Variants in CPLX2 observed in about 807,000 individuals in gnomAD.
CPLX2 encodes the protein complexin-2.
CPLX2 carries 5 observed loss-of-function variants against 16.3 expected under a neutral mutation model. The observed-to-expected ratio is 0.31, with a 90% CI of 0.16 to 0.64. The LOEUF (loss-of-function observed/expected upper bound fraction) is 0.64, where lower values mean the gene tolerates loss of function less well. Ranked by LOEUF, CPLX2 falls within the 30% of genes least tolerant of loss-of-function variation. CPLX2 has a pLI of 0.79. For synonymous variants in CPLX2, 89 were observed against 73.2 expected (o/e 1.22, Z -1.10); for missense variants, 144 against 181.4 (o/e 0.79, Z 1.18).
At position 175,830,433 on chromosome 5, in the gene CPLX2, C is replaced by T. The variant is rs142589830; in HGVS notation, c.-89+21365C>T. On this transcript the variant is annotated intron_variant, in intron 2 of 4. Coordinates refer to the CPLX2 transcript ENST00000359546. This position sits in a 1 kb window ranked among gnomAD's most constrained non-coding sequence, Gnocchi z 4.0. ...TCATGCCTGTCTCCTTCCCCGCCCCCGGAGGTGCGTGATGCCCCCACAGAG... is the reference window on the plus strand; with the variant it reads ...TCATGCCTGTCTCCTTCCCCGCCCCTGGAGGTGCGTGATGCCCCCACAGAG... 4.1e-4 allele frequency among the ~76,000 whole-genome samples: 63 copies of T among 152,324 alleles called. 1 individual carries two copies. The highest frequency in any genetic ancestry group is 1.3e-3 in the African/African-American group (54 of 41,582).
At chr5:175,848,455 A>G (rs1193588348) in intron 2 of CPLX2, among the ~76,000 whole-genome samples, 3 of 152,170 alleles carry the variant, frequency 2.0e-5, no homozygotes, top group African/African-American at 4.8e-5. Flanking sequence ...AAGGGAGAAC[A>G]GGGTGTCTTC....
intron 2 of CPLX2, among the ~76,000 whole-genome samples, chr5:175,822,318 A>G (rs528628933): frequency 3.3e-5 from 5 of 152,214 alleles, no homozygotes; most frequent in Non-Finnish European, 7.4e-5. Context: ...CTAACCTCCA[A>G]GGTGCCCTGG....
At chr5:175,841,841 G>A (rs1032950896) in intron 2 of CPLX2, among the ~76,000 whole-genome samples, 5 of 152,250 alleles carry the variant, frequency 3.3e-5, no homozygotes, top group Non-Finnish European at 7.4e-5. Flanking sequence ...CAAATTTCTC[G>A]GCAAAATGAG....
chr5:175,819,723 C>T (rs1422446659), intron 2 of CPLX2, among the ~76,000 whole-genome samples: 1 of 152,194 alleles, frequency 6.6e-6, no homozygotes, highest in Admixed American at 6.5e-5. Context: ...GCCTTCTTCA[C>T]TCCTCACAGT....
At chr5:175,853,543 T>G (rs1759196044) in intron 2 of CPLX2, among the ~76,000 whole-genome samples, 1 of 152,212 alleles carries the variant, frequency 6.6e-6, no homozygotes, top group African/African-American at 2.4e-5. Context: ...TCCCACAGGC[T>G]TGCTGGCAAA....
At position 175,836,117 on chromosome 5, in the gene CPLX2, A is replaced by G. The variant is rs374873817; in HGVS notation, c.-89+27049A>G. On this transcript the variant is annotated intron_variant, in intron 2 of 4. Coordinates refer to the CPLX2 transcript ENST00000359546. ...TGTAATTCCAGCACTTTGGGAGGCC[A>G]AGGCGGGCAGATCACGAGGTCAGGA... Among the ~76,000 whole-genome samples, 662 of 152,216 alleles carry G rather than the reference A, an allele frequency of 4.3e-3. 5 individuals are homozygous for G. The highest frequency in any genetic ancestry group is 6.0e-3 in the Admixed American group (91 of 15,292).
intron 2 of CPLX2, 30 bp from the exon 3 acceptor site, chr5:175,878,878 C>A: frequency 6.2e-7 from 1 of 1,609,824 alleles, no homozygotes. Flanking sequence ...TAGCTGACCC[C>A]GCCCTCTCCT....
intron 2 of CPLX2, among the ~76,000 whole-genome samples, chr5:175,834,883 CAAACAAACAAA>C (rs1248422988): frequency 6.6e-6 from 1 of 152,082 alleles, no homozygotes; most frequent in Non-Finnish European, 1.5e-5. Context: ...CAAAAACAAA[CAAACAAACAAA>C]AAACAAACAA....
chr5:175,860,787 C>T (rs1454569426), intron 2 of CPLX2, among the ~76,000 whole-genome samples: 2 of 152,092 alleles, frequency 1.3e-5, no homozygotes, highest in Non-Finnish European at 2.9e-5. Flanking sequence ...TAATGCCCAC[C>T]CATGGCAGTA....
chr5:175,823,141 T>G (rs1394276518), intron 2 of CPLX2, among the ~76,000 whole-genome samples: 1 of 152,256 alleles, frequency 6.6e-6, no homozygotes, highest in East Asian at 1.9e-4. Flanking sequence ...TTTTCGTGTT[T>G]ATTATACTAT....
At chr5:175,846,549 T>C (rs1483721544) in intron 2 of CPLX2, among the ~76,000 whole-genome samples, 2 of 152,190 alleles carry the variant, frequency 1.3e-5, no homozygotes, top group African/African-American at 4.8e-5. Context: ...CCCCAGATAC[T>C]GGGCATTTAT....
chr5:175,815,802 CT>C (rs1300332379), intron 2 of CPLX2, among the ~76,000 whole-genome samples: 1 of 152,186 alleles, frequency 6.6e-6, no homozygotes, highest in Non-Finnish European at 1.5e-5. Flanking sequence ...CATTGACCCT[CT>C]GTGTTACTTG....
intron 1 of CPLX2, among the ~76,000 whole-genome samples, chr5:175,803,566 A>G (rs1434223088): frequency 1.3e-5 from 2 of 152,206 alleles, no homozygotes; most frequent in Non-Finnish European, 2.9e-5. Flanking sequence ...AACAAACCTG[A>G]CAAGATTGCA....
intron 1 of CPLX2, among the ~76,000 whole-genome samples, chr5:175,802,702 G>A (rs997913391): frequency 1.3e-5 from 2 of 152,196 alleles, no homozygotes; most frequent in African/African-American, 4.8e-5. Flanking sequence ...CTAGCTGGAC[G>A]ATCTTGAGCA....
intron 2 of CPLX2, among the ~76,000 whole-genome samples, chr5:175,831,827 G>A (rs1758740570): frequency 6.6e-6 from 1 of 152,214 alleles, no homozygotes; most frequent in Non-Finnish European, 1.5e-5. Flanking sequence ...CTGCCGAGAG[G>A]ATCAAACAAA....
intron 3 of CPLX2, 71 bp downstream of exon 3, chr5:175,879,154 G>A: frequency 7.5e-6 from 11 of 1,459,672 alleles, no homozygotes; most frequent in Middle Eastern, 2.5e-4. Flanking sequence ...TAAAGCCCCT[G>A]CTGGGGCTCC....
At position 175,878,902 on chromosome 5, in the gene CPLX2, T is replaced by A; in HGVS notation, c.32-6T>A. The stretch of plus-strand genomic sequence containing the variant: ...CCGCCCTCTCCTTCCCACCCCTTCC[T>A]CGTAGGGGCCACAAAGGACATGGGG... On this transcript the variant is annotated splice_region_variant and splice_polypyrimidine_tract_variant and intron_variant, in intron 2 of 3. Coordinates refer to ENST00000393745, the MANE Select transcript of CPLX2 (RefSeq NM_001008220.2). 1 of 1,586,096 alleles carries A rather than the reference T, an allele frequency of 6.3e-7. No homozygotes were observed. Among genetic ancestry groups the A allele is most frequent in the Non-Finnish European group, 8.6e-7 (1 of 1,163,322 alleles).
At chr5:175,851,063 C>G (rs1759141925) in intron 2 of CPLX2, among the ~76,000 whole-genome samples, 1 of 151,800 alleles carries the variant, frequency 6.6e-6, no homozygotes, top group South Asian at 2.1e-4. Flanking sequence ...AGAGCCGCTG[C>G]CTGAGGTGGT....
intron 2 of CPLX2, among the ~76,000 whole-genome samples, chr5:175,823,839 A>C (rs1758557087): frequency 6.6e-6 from 1 of 152,114 alleles, no homozygotes; most frequent in Admixed American, 6.6e-5. Flanking sequence ...CCCCTCCTCA[A>C]ACCACTCAGC....
Sources: allele counts gnomAD v4.1 joint callset (sites outside exome capture counted in the v4.1 genomes callset), GRCh38; gene constraint gnomAD v4.1.1; non-coding constraint Gnocchi (gnomAD v3.1); transcripts MANE v1.5; gene names NCBI Gene and HGNC (gene_info 2026-07-23, HGNC 2026-07-21).